Variants in IQSEC1 observed in about 807,000 individuals in gnomAD.
IQSEC1 encodes IQ motif and Sec7 domain ArfGEF 1.
Under a neutral mutation model 91.0 loss-of-function variants are expected in IQSEC1, and 31 were observed. The ratio of observed to expected loss-of-function variants is 0.34; its 90% confidence interval spans 0.26 to 0.46. IQSEC1 has a LOEUF of 0.46. IQSEC1 is among the 20% of genes least tolerant of loss of function. The pLI is 1.00. For synonymous variants in IQSEC1, 699 were observed against 662.6 expected (o/e 1.05, Z -0.84); for missense variants, 1,388 against 1,575.6 (o/e 0.88, Z 2.02).
At chr3:13,232,014 C>A (rs1694846684) in intron 1 of IQSEC1, among the ~76,000 whole-genome samples, 1 of 152,250 alleles carries the variant, frequency 6.6e-6, no homozygotes, top group South Asian at 2.1e-4. Flanking sequence ...CGGGCCCCAA[C>A]CTAGTGCACT....
intron 13 of IQSEC1, 139 bp from the exon 14 acceptor site, chr3:12,901,661 CAGTG>C: frequency 1.3e-6 from 1 of 754,050 alleles, no homozygotes; most frequent in East Asian, 2.7e-5. Flanking sequence ...GGGTGGGGCT[CAGTG>C]AGGCTGGACT....
At chr3:13,267,109 T>G (rs750822374) in intron 1 of IQSEC1, among the ~76,000 whole-genome samples, 5 of 151,834 alleles carry the variant, frequency 3.3e-5, no homozygotes, top group Non-Finnish European at 7.4e-5. Context: ...GGTGGTGAGG[T>G]CATGAGGGCA....
At chr3:13,083,513 G>A (rs1328354053) in intron 2 of IQSEC1, among the ~76,000 whole-genome samples, 1 of 152,258 alleles carries the variant, frequency 6.6e-6, no homozygotes, top group East Asian at 1.9e-4. Flanking sequence ...TGGCTTGCTG[G>A]ATAAGTGTAC....
chr3:13,113,766 C>T (rs1395148385), intron 2 of IQSEC1, among the ~76,000 whole-genome samples: 1 of 152,146 alleles, frequency 6.6e-6, no homozygotes, highest in African/African-American at 2.4e-5. Context: ...GGAGTGTGCC[C>T]GCACTCTGGC....
chr3:13,142,125 G>C (rs865896064), intron 2 of IQSEC1, among the ~76,000 whole-genome samples: 1 of 152,246 alleles, frequency 6.6e-6, no homozygotes, highest in African/African-American at 2.4e-5. Context: ...CTCCATGGGT[G>C]CCTTGTGGTT....
In IQSEC1 at chr3:12,899,305, C is replaced by G; in HGVS notation, c.*1678G>C. 6.7e-7 allele frequency: 1 copy of G among 1,485,764 alleles called. No individual in the cohort carries two copies. Among genetic ancestry groups the G allele is most frequent in the Non-Finnish European group, 9.2e-7 (1 of 1,081,572 alleles). 92.0% of individuals were successfully genotyped at this position (1,485,764 alleles called of 1,614,324 possible). On this transcript the variant is annotated 3_prime_UTR_variant, in exon 14 of 14. Coordinates refer to ENST00000613206, the MANE Select transcript of IQSEC1 (RefSeq NM_001134382.3). ...TCCACTGGGAACGCGGCCCCGCGGC[C>G]CGCAGAGTCAGGCGTGAGCTTCGCC...
rs573904097 is a variant in IQSEC1 at position 12,901,121 on chromosome 3, G to A, written c.3207C>T (p.Tyr1069=). The change falls in exon 14 of 14, where the codon TAC becomes TAT. Residue 1069 remains tyrosine (Y), a synonymous_variant. Coordinates refer to ENST00000613206, the MANE Select transcript of IQSEC1 (RefSeq NM_001134382.3). ...GCGGGTGGCCGTGGGCATGGGCCCC[G>A]TAGGCTGGGTGGCCCCCATGGGGGC... ...HHGPHGGHPA[Y]GAHAHGHPPL... 8.7e-5 allele frequency: 134 copies of A among 1,541,374 alleles called. No homozygotes were observed. Among genetic ancestry groups the A allele is most frequent in the East Asian group, 4.9e-4 (20 of 40,862 alleles).
At chr3:13,004,992 A>AG in intron 1 of IQSEC1, among the ~76,000 whole-genome samples, 1 of 152,340 alleles carries the variant, frequency 6.6e-6, no homozygotes, top group East Asian at 1.9e-4. Context: ...CACTGCTGGT[A>AG]GACCAAACAA....
At chr3:12,929,750 G>T (rs1404077845) in intron 3 of IQSEC1, among the ~76,000 whole-genome samples, 1 of 152,162 alleles carries the variant, frequency 6.6e-6, no homozygotes, top group East Asian at 1.9e-4. Flanking sequence ...AACAGGTGCT[G>T]CCTGCAACAT....
chr3:13,096,243 C>T (rs1209312055), intron 2 of IQSEC1, among the ~76,000 whole-genome samples: 2 of 152,242 alleles, frequency 1.3e-5, no homozygotes, highest in African/African-American at 4.8e-5. Context: ...GTGGGAGGCA[C>T]AGGTAAGACC....
At chr3:13,037,861 G>C (rs983623357) in intron 1 of IQSEC1, among the ~76,000 whole-genome samples, 1 of 152,182 alleles carries the variant, frequency 6.6e-6, no homozygotes, top group African/African-American at 2.4e-5. Context: ...GGGGTGAAGG[G>C]AGGGGGGAGT....
chr3:13,016,775 C>A (rs947822412), intron 1 of IQSEC1, among the ~76,000 whole-genome samples: 6 of 152,250 alleles, frequency 3.9e-5, no homozygotes, highest in African/African-American at 1.4e-4. Context: ...ACACACCATA[C>A]AACTCACCCA....
At chr3:13,179,947 C>T (rs530692275) in intron 1 of IQSEC1, among the ~76,000 whole-genome samples, 4 of 152,230 alleles carry the variant, frequency 2.6e-5, no homozygotes, top group East Asian at 1.9e-4. Context: ...GCTGCCTTCC[C>T]GTGGGGCAGG....
chr3:13,238,578 T>C (rs1694971353), intron 1 of IQSEC1, among the ~76,000 whole-genome samples: 1 of 152,210 alleles, frequency 6.6e-6, no homozygotes, highest in Non-Finnish European at 1.5e-5. Context: ...CAGGACCACG[T>C]CTTGTCCCCA....
rs762218357 is a variant in IQSEC1, at chr3:12,911,767, C to CG, written c.2317-40dup. 5.9e-5 allele frequency: 83 copies of CG among 1,405,890 alleles called. No individual in the cohort carries two copies. The East Asian group carries it at 1.6e-3, about 27-fold the overall frequency. 87.1% of individuals were successfully genotyped at this position (1,405,890 alleles called of 1,614,324 possible). A position where few individuals can be genotyped will look rare whatever the true frequency, so the allele number is the denominator to read the frequency against. ...GAGACAGAGCTGAGCTACAGTGTCT[C>CG]GGGGGGCACTGACTATGTGGGACCT... is the stretch of plus-strand genomic sequence containing the variant. On this transcript the variant is annotated intron_variant, in intron 9 of 13. Coordinates refer to ENST00000613206, the MANE Select transcript of IQSEC1 (RefSeq NM_001134382.3).
intron 1 of IQSEC1, among the ~76,000 whole-genome samples, chr3:13,002,547 C>CAAAAAAAAAAAAA (rs57241537): frequency 9.3e-6 from 1 of 107,266 alleles, no homozygotes; most frequent in Non-Finnish European, 2.0e-5. Flanking sequence ...ACCTGATCTC[C>CAAAAAAAAAAAAA]AAAAAAAAAA....
chr3:12,911,461 A>G (rs967344529), intron 10 of IQSEC1, among the ~76,000 whole-genome samples, 168 bp downstream of exon 10: 2 of 152,146 alleles, frequency 1.3e-5, no homozygotes, highest in African/African-American at 4.8e-5. Context: ...GGGCCTCTTG[A>G]GGGTCTGTGC....
chr3:12,900,961 C>T lies in IQSEC1; in HGVS notation c.*22G>A, dbSNP rs756412212. On this transcript the variant is annotated 3_prime_UTR_variant, in exon 14 of 14. Transcript: ENST00000613206. ...GTGGTGTGCAGGTGTTTCAGGGAGC[C>T]TGGGACCCCTACCCAGGCTGTCTAC... 6.5e-7 allele frequency: 1 copy of T among 1,541,566 alleles called. No homozygotes were observed. Among genetic ancestry groups the T allele is most frequent in the Non-Finnish European group, 8.7e-7 (1 of 1,146,690 alleles).
At chr3:13,233,082 A>G (rs929819147) in intron 1 of IQSEC1, among the ~76,000 whole-genome samples, 3 of 152,218 alleles carry the variant, frequency 2.0e-5, no homozygotes, top group African/African-American at 7.2e-5. Context: ...AAGTGAAGGT[A>G]CTAATGCCAC....
Sources: gnomAD v4.1 joint callset for allele counts (sites outside exome capture counted in the v4.1 genomes callset) on GRCh38, gnomAD v4.1.1 for gene constraint, MANE v1.5 for transcripts, NCBI Gene and HGNC (gene_info 2026-07-23, HGNC 2026-07-21) for gene names.